XKRX: variants seen among roughly 807,000 people sequenced by gnomAD.
The protein encoded by XKRX is XK-related protein 2.
XKRX carries 11 observed loss-of-function variants against 22.4 expected under a neutral mutation model. The observed-to-expected ratio is 0.49, with a 90% CI of 0.31 to 0.81. XKRX has a LOEUF of 0.81. Among genes scored for constraint, XKRX ranks in the 40% least tolerant of loss-of-function variants. The pLI is 0.05. For synonymous variants in XKRX, 114 were observed against 132.2 expected (o/e 0.86, Z 0.94); for missense variants, 320 against 336.5 (o/e 0.95, Z 0.38).
At chrX:100,938,038 C>G in the XKRX span, among the ~76,000 whole-genome samples, 3 of 111,733 alleles carry the variant, frequency 2.7e-5, no homozygotes, top group Admixed American at 1.9e-4. Context: ...TTTGCCTTTA[C>G]TACTAAAGAA....
chrX:100,951,234 C>CAAA, the XKRX span, among the ~76,000 whole-genome samples: 4 of 25,444 alleles, frequency 1.6e-4, no homozygotes, highest in African/African-American at 2.6e-4. Context: ...GGCTCCATCG[C>CAAA]AAAAAAAAAA....
intron 1 of XKRX, among the ~76,000 whole-genome samples, chrX:100,924,400 G>A (rs1000871306): frequency 2.7e-5 from 3 of 111,077 alleles, no homozygotes; most frequent in African/African-American, 9.8e-5. Context: ...CTTTCTTTAC[G>A]AAGAGAAAAA....
downstream of XKRX, among the ~76,000 whole-genome samples, chrX:100,912,868 G>A (rs189865230): frequency 1.0e-3 from 114 of 111,727 alleles, no homozygotes; most frequent in African/African-American, 3.5e-3. Flanking sequence ...GTATAGGAAC[G>A]AACAGAGGGT....
rs1656730639 is a variant in XKRX, at chrX:100,928,635, C to T, written c.-331G>A. 1 of 842,608 alleles carries T rather than the reference C, an allele frequency of 1.2e-6. No individual in the cohort carries two copies. Among genetic ancestry groups the T allele is most frequent in the Admixed American group, 6.4e-5 (1 of 15,522 alleles). 69.4% of individuals were successfully genotyped at this position (842,608 alleles called of 1,213,427 possible). ...CCCATCCAGAGTCCAACTCCAGGGA[C>T]GTGAAGAGTCATGAGAACAGCGGCT... is the stretch of plus-strand genomic sequence containing the variant. On this transcript the variant is annotated 5_prime_UTR_variant, in exon 1 of 3. Transcript: ENST00000372956.
intron 2 of XKRX, among the ~76,000 whole-genome samples, chrX:100,918,913 C>T (rs1402315113): frequency 9.0e-6 from 1 of 110,864 alleles, no homozygotes; most frequent in Non-Finnish European, 1.9e-5. Flanking sequence ...TGGATACTAT[C>T]CTGCTACTTA....
the XKRX span, among the ~76,000 whole-genome samples, chrX:100,894,337 A>G: frequency 0.025 from 2,860 of 112,251 alleles, 49 homozygotes; most frequent in Non-Finnish European, 0.042. Context: ...CACAATACAT[A>G]CAGATATCAA....
chrX:100,913,983 G>C lies in XKRX; in HGVS notation c.*355C>G, dbSNP rs2085417983. 1 of 178,083 alleles carries C rather than the reference G, an allele frequency of 5.6e-6. No individual in the cohort carries two copies. Among genetic ancestry groups the C allele is most frequent in the South Asian group, 1.7e-4 (1 of 5,844 alleles). 14.7% of individuals were successfully genotyped at this position (178,083 alleles called of 1,213,427 possible). ...ATTCTAGCGGGATTCTGGGCCTTCA[G>C]CTCAGCCCAGGAAAGCTCAGAAATG... On this transcript the variant is annotated 3_prime_UTR_variant, in exon 3 of 3. Transcript: ENST00000372956.
the XKRX span, among the ~76,000 whole-genome samples, chrX:100,953,619 C>A: frequency 9.0e-6 from 1 of 111,096 alleles, no homozygotes; most frequent in Non-Finnish European, 1.9e-5. Flanking sequence ...TAAATAAATA[C>A]CTCTTAAGGC....
Position 100,928,286 on chromosome X carries a change from T to C in XKRX, c.19A>G (p.Ile7Val), listed in dbSNP as rs2085506761. The C allele has an allele frequency of 2.5e-6, 3 of 1,208,800 alleles. No individual in the cohort carries two copies. In the Admixed American group the frequency reaches 6.6e-5, roughly 27 times the overall value. The change falls in exon 1 of 3, where the codon ATT (isoleucine) becomes GTT (valine). Residue 7 changes from isoleucine (I) to valine (V), a missense_variant. Ile to Val is a conservative substitution (Grantham distance 29, BLOSUM62 3). Coordinates refer to ENST00000372956, the MANE Select transcript of XKRX (RefSeq NM_212559.3). ...GGATCCACATTTGGCTCCTCAGGAA[T>C]TTCATAAACTCTGTCCATTGTCGAG... MDRVYE[I>V]PEEPNVDPVS... is the part of the protein sequence containing the mutation.
the XKRX span, among the ~76,000 whole-genome samples, chrX:100,901,987 G>A: frequency 7.6e-3 from 738 of 96,968 alleles, 5 homozygotes; most frequent in Admixed American, 0.016. Flanking sequence ...CAACAACAGC[G>A]AAACTCCATC....
At chrX:100,948,155 C>G in the XKRX span, among the ~76,000 whole-genome samples, 1 of 110,613 alleles carries the variant, frequency 9.0e-6, no homozygotes, top group African/African-American at 3.3e-5. Flanking sequence ...ATCCAACCAT[C>G]TCAGCCTACC....
chrX:100,950,619 C>G, the XKRX span, among the ~76,000 whole-genome samples: 1 of 112,143 alleles, frequency 8.9e-6, no homozygotes, highest in Non-Finnish European at 1.9e-5. Context: ...TTCACCAAAA[C>G]AGATCATATC....
At chrX:100,946,225 GAGTA>G in the XKRX span, among the ~76,000 whole-genome samples, 1 of 109,970 alleles carries the variant, frequency 9.1e-6, no homozygotes, top group Non-Finnish European at 1.9e-5. Flanking sequence ...TGCATGGAAA[GAGTA>G]AGTAAGTAAT....
chrX:100,917,624 GAGAA>G (rs1227805872), intron 2 of XKRX, among the ~76,000 whole-genome samples: 2 of 55,083 alleles, frequency 3.6e-5, no homozygotes, highest in African/African-American at 1.6e-4. Flanking sequence ...GAGAAAGAAA[GAGAA>G]AGAAAGAAGA....
chrX:100,936,536 G>A, the XKRX span, among the ~76,000 whole-genome samples: 23 of 38,887 alleles, frequency 5.9e-4, no homozygotes, highest in Non-Finnish European at 8.9e-4. Flanking sequence ...GCCAGACTCT[G>A]TCTCAAAAAA....
At chrX:100,942,315 ACAG>A in the XKRX span, among the ~76,000 whole-genome samples, 1 of 112,003 alleles carries the variant, frequency 8.9e-6, no homozygotes, top group African/African-American at 3.2e-5. Flanking sequence ...TGCATAAAAA[ACAG>A]CAGGTCAGAT....
chrX:100,922,925 T>A lies in XKRX; in HGVS notation c.472A>T (p.Ile158Phe), dbSNP rs768245700. The A allele has an allele frequency of 8.3e-7, 1 of 1,211,595 alleles. No individual in the cohort carries two copies. Among genetic ancestry groups the A allele is most frequent in the South Asian group, 1.8e-5 (1 of 56,973 alleles). The change falls in exon 2 of 3, where the codon ATC (isoleucine) becomes TTC (phenylalanine). Residue 158 changes from isoleucine (I) to phenylalanine (F), a missense_variant. By Grantham distance (21) the Ile-to-Phe change is conservative. Coordinates refer to ENST00000372956, the MANE Select transcript of XKRX (RefSeq NM_212559.3). ...TTGCGGTGCATAGCCAGGGTCCGGA[T>A]GGAGTGGCCCACCTCCCATTCTATC... Reference protein sequence around the residue: ...VLIEWEVGHSIRTLAMHRNAY... With the variant: ...VLIEWEVGHSFRTLAMHRNAY...
chrX:100,922,828 A>C lies in XKRX; in HGVS notation c.569T>G (p.Val190Gly). ...SVPQLTYQLYVSLISAEVPLG... is the reference protein window; with the variant it reads ...SVPQLTYQLYGSLISAEVPLG... ...GGGAACCTCTGCAGAGATCAGGCTCACATAGAGCTGATAGGTCAGCTGGGG... is the reference window on the plus strand; with the variant it reads ...GGGAACCTCTGCAGAGATCAGGCTCCCATAGAGCTGATAGGTCAGCTGGGG... The change falls in exon 2 of 3, where the codon GTG becomes GGG. Residue 190 changes from valine (V) to glycine (G), a missense_variant. Physicochemically the swap from Val to Gly is moderately radical, Grantham distance 109. Coordinates refer to ENST00000372956, the MANE Select transcript of XKRX (RefSeq NM_212559.3). 1.7e-6 allele frequency: 2 copies of C among 1,211,589 alleles called. No individual in the cohort carries two copies. Among genetic ancestry groups the C allele is most frequent in the Non-Finnish European group, 2.2e-6 (2 of 895,499 alleles).
At chrX:100,944,608 C>A in the XKRX span, among the ~76,000 whole-genome samples, 2 of 112,314 alleles carry the variant, frequency 1.8e-5, no homozygotes, top group Non-Finnish European at 3.8e-5. Context: ...GGTGATCCAC[C>A]TACCTCGGCC....
Sources: gnomAD v4.1 joint callset for allele counts (sites outside exome capture counted in the v4.1 genomes callset) on GRCh38, gnomAD v4.1.1 for gene constraint, MANE v1.5 for transcripts, NCBI Gene and HGNC (gene_info 2026-07-23, HGNC 2026-07-21) for gene names.